Variants in SEMA5A observed in about 807,000 individuals in gnomAD.
The protein encoded by SEMA5A is semaphorin 5A.
SEMA5A carries 55 observed loss-of-function variants against 135.5 expected under a neutral mutation model. The observed-to-expected ratio is 0.41, with a 90% CI of 0.33 to 0.51. SEMA5A has a LOEUF of 0.51. SEMA5A is among the 20% of genes least tolerant of loss of function. The pLI is 0.37. For synonymous variants in SEMA5A, 580 were observed against 546.5 expected (o/e 1.06, Z -0.85); for missense variants, 1,290 against 1,419.9 (o/e 0.91, Z 1.47).
At chr5:9,179,286 A>AT (rs965376546) in intron 11 of SEMA5A, among the ~76,000 whole-genome samples, 25 of 152,172 alleles carry the variant, frequency 1.6e-4, no homozygotes, top group African/African-American at 5.5e-4. Context: ...TTACTTATGT[A>AT]TTTTTTGTCC....
chr5:9,312,252 G>A (rs960651898), intron 5 of SEMA5A, among the ~76,000 whole-genome samples: 1 of 151,054 alleles, frequency 6.6e-6, no homozygotes, highest in Non-Finnish European at 1.5e-5. Context: ...ATGACATGAG[G>A]TAAAAGAAAC....
chr5:9,311,964 A>G (rs2097503113), intron 5 of SEMA5A, among the ~76,000 whole-genome samples: 1 of 152,118 alleles, frequency 6.6e-6, no homozygotes, highest in African/African-American at 2.4e-5. Context: ...TTTCCGTTAG[A>G]AACAAAACAA....
At position 9,346,900 on chromosome 5, in the gene SEMA5A, G is replaced by GTA. The variant is rs1753897997; in HGVS notation, c.125-9089_125-9088insTA. 6.6e-5 allele frequency among the ~76,000 whole-genome samples: 9 copies of GTA among 136,308 alleles called. No homozygotes were observed. The South Asian group carries it at 2.1e-3, about 31-fold the overall frequency. The allele number at this position is 136,308 out of a possible 152,430, so 89.4% of individuals were successfully genotyped here. A position where few individuals can be genotyped will look rare whatever the true frequency, so the allele number is the denominator to read the frequency against. Reference sequence around the variant, plus strand: ...TCATTGTGTATATATATATGTGTGTGTGTGTGTGTGTGTGTATATATATAT... The same window carrying GTA: ...TCATTGTGTATATATATATGTGTGTGTATGTGTGTGTGTGTGTATATATATAT... On this transcript the variant is annotated intron_variant, in intron 3 of 22. Transcript: ENST00000382496.
At chr5:9,288,010 T>C (rs1183891387) in intron 5 of SEMA5A, among the ~76,000 whole-genome samples, 1 of 152,132 alleles carries the variant, frequency 6.6e-6, no homozygotes, top group South Asian at 2.1e-4. Flanking sequence ...AAAACACTTA[T>C]GGATTAAGAG....
intron 2 of SEMA5A, among the ~76,000 whole-genome samples, chr5:9,400,809 T>C (rs546441820): frequency 4.5e-4 from 68 of 152,322 alleles, no homozygotes; most frequent in African/African-American, 1.6e-3. Context: ...AGATAGCTCA[T>C]TGCCCTGTTA....
At position 9,172,950 on chromosome 5, in the gene SEMA5A, T is replaced by A. The variant is rs185441967; in HGVS notation, c.1273+17317A>T. ...AACAATGCTTTAATCTCAAAATGGT[T>A]TAAAACTTTCAAACATAGCTGAGCT... On this transcript the variant is annotated intron_variant, in intron 11 of 22. Transcript: ENST00000382496. Among the ~76,000 whole-genome samples, 140 of 152,306 alleles carry A rather than the reference T, an allele frequency of 9.2e-4. 3 individuals are homozygous for A. Among genetic ancestry groups the A allele is most frequent in the Non-Finnish European group, 5.6e-4 (38 of 68,030 alleles).
intron 11 of SEMA5A, among the ~76,000 whole-genome samples, chr5:9,156,037 G>T (rs1195267041): frequency 6.6e-6 from 1 of 152,128 alleles, no homozygotes; most frequent in Non-Finnish European, 1.5e-5. Flanking sequence ...TATATGCGGG[G>T]AAGATTTTAA....
rs1003985924 is a variant in SEMA5A, at chr5:9,042,961, T to G, written c.3161A>C (p.His1054Pro). 1 of 1,612,914 alleles carries G rather than the reference T, an allele frequency of 6.2e-7. No homozygotes were observed. The highest frequency in any genetic ancestry group is 8.5e-7 in the Non-Finnish European group (1 of 1,178,980). ...ATTAGAATAGGTCTTCCCAGTGAGA[T>G]GTGGGTTGAAGTATTTGTTTCTTTC... ...LEERNKYFNP[H>P]LTGKTYSNAY... Residue 1054 changes from histidine (H) to proline (P), a missense_variant, in exon 23 of 23, where the codon CAT becomes CCT. Coordinates refer to ENST00000382496, the MANE Select transcript of SEMA5A (RefSeq NM_003966.3).
intron 16 of SEMA5A, among the ~76,000 whole-genome samples, chr5:9,080,663 T>A (rs1223741294): frequency 6.6e-6 from 1 of 152,304 alleles, no homozygotes; most frequent in South Asian, 2.1e-4. Context: ...TAGTTTGCAC[T>A]ACTCAGTCTT....
intron 11 of SEMA5A, among the ~76,000 whole-genome samples, chr5:9,182,297 C>G (rs2428653): frequency 0.32 from 49,225 of 151,870 alleles, 8,906 homozygotes; most frequent in Non-Finnish European, 0.42. Flanking sequence ...CTGTCCAAAC[C>G]AAAAACATCA....
At chr5:9,216,128 T>C (rs1016447156) in intron 8 of SEMA5A, among the ~76,000 whole-genome samples, 1 of 152,234 alleles carries the variant, frequency 6.6e-6, no homozygotes. Flanking sequence ...GAACATTTAG[T>C]GCTATGCCTC....
At chr5:9,367,932 C>T (rs1754985192) in intron 3 of SEMA5A, among the ~76,000 whole-genome samples, 1 of 152,206 alleles carries the variant, frequency 6.6e-6, no homozygotes, top group Non-Finnish European at 1.5e-5. Context: ...GCCCATACCC[C>T]CTTCTCCTTC....
rs1447906030 is a variant in SEMA5A at position 9,039,867 on chromosome 5, T to C, written c.*3030A>G. 2 of 152,228 alleles carry C rather than the reference T, an allele frequency of 1.3e-5. No homozygotes were observed. The highest frequency in any genetic ancestry group is 2.9e-5 in the Non-Finnish European group (2 of 68,066). The allele number at this position is 152,228 out of a possible 1,614,324, so 9.4% of individuals were successfully genotyped here. On this transcript the variant is annotated 3_prime_UTR_variant, in exon 23 of 23. Transcript: ENST00000382496. The stretch of plus-strand genomic sequence containing the variant: ...GTTGTGTAGTGTGCAGAAATTCTGT[T>C]CTTCTCCTTCCTGTAAACTGTCAGT...
chr5:9,176,153 C>T (rs932915412), intron 11 of SEMA5A, among the ~76,000 whole-genome samples: 3 of 152,246 alleles, frequency 2.0e-5, no homozygotes, highest in Admixed American at 2.0e-4. Flanking sequence ...ATGAGCCTGA[C>T]TTAATAAAGT....
intron 3 of SEMA5A, among the ~76,000 whole-genome samples, chr5:9,339,399 G>T (rs3797984): frequency 0.16 from 23,631 of 152,156 alleles, 2,058 homozygotes; most frequent in Middle Eastern, 0.25. Context: ...GCCCCCTGTG[G>T]CCATAACTGG....
At chr5:9,086,213 G>T (rs1310058226) in intron 16 of SEMA5A, among the ~76,000 whole-genome samples, 1 of 152,108 alleles carries the variant, frequency 6.6e-6, no homozygotes, top group African/African-American at 2.4e-5. Context: ...AGATTTTGGG[G>T]GACTGTTGGG....
intron 3 of SEMA5A, among the ~76,000 whole-genome samples, chr5:9,354,261 T>C (rs1270342221): frequency 6.6e-6 from 1 of 152,202 alleles, no homozygotes; most frequent in Non-Finnish European, 1.5e-5. Flanking sequence ...TCACTCTTGT[T>C]TCCCAGCGTG....
chr5:9,198,217 T>C (rs894588197), intron 9 of SEMA5A, among the ~76,000 whole-genome samples: 11 of 152,334 alleles, frequency 7.2e-5, no homozygotes, highest in Admixed American at 6.5e-4. Flanking sequence ...ACTCCAAAAC[T>C]GAAATACCTA....
At chr5:9,218,481 A>T (rs1477290874) in intron 8 of SEMA5A, among the ~76,000 whole-genome samples, 1 of 152,228 alleles carries the variant, frequency 6.6e-6, no homozygotes, top group Non-Finnish European at 1.5e-5. Context: ...GGAAACATGC[A>T]GAGGGACTAC....
Sources: gnomAD v4.1 joint callset for allele counts (sites outside exome capture counted in the v4.1 genomes callset) on GRCh38, gnomAD v4.1.1 for gene constraint, MANE v1.5 for transcripts, NCBI Gene and HGNC (gene_info 2026-07-23, HGNC 2026-07-21) for gene names.